Variants in NRCAM observed in about 807,000 individuals in gnomAD.
NRCAM encodes neuronal cell adhesion molecule.
Under a neutral mutation model 156.5 loss-of-function variants are expected in NRCAM, and 83 were observed. The ratio of observed to expected loss-of-function variants is 0.53; its 90% CI spans 0.44 to 0.64. The LOEUF (loss-of-function observed/expected upper bound fraction) is 0.64. NRCAM is among the 30% of genes least tolerant of loss of function. The pLI is 0.00. For missense variants in NRCAM, 1,417 were observed against 1,597.3 expected (o/e 0.89, Z 1.92); for synonymous variants, 538 against 563.9 (o/e 0.95, Z 0.65).
At chr7:108,246,444 T>C (rs1377394368) in intron 3 of NRCAM, among the ~76,000 whole-genome samples, 1 of 151,520 alleles carries the variant, frequency 6.6e-6, no homozygotes, top group East Asian at 1.9e-4. Context: ...AGAGAGAGAG[T>C]GAGTCAGCGG....
At chr7:108,151,670 T>C (rs140647131) in intron 32 of NRCAM, among the ~76,000 whole-genome samples, 36 of 152,320 alleles carry the variant, frequency 2.4e-4, no homozygotes, top group Non-Finnish European at 4.1e-4. Flanking sequence ...AGAGGTATCA[T>C]CTTGGGGTGG....
chr7:108,338,945 G>A (rs2154265370), intron 2 of NRCAM, among the ~76,000 whole-genome samples: 1 of 152,284 alleles, frequency 6.6e-6, no homozygotes, highest in East Asian at 1.9e-4. Flanking sequence ...AGTGGCAACT[G>A]CTTTGCTAAC....
chr7:108,312,983 G>A (rs761064286), intron 2 of NRCAM, among the ~76,000 whole-genome samples: 18 of 152,176 alleles, frequency 1.2e-4, no homozygotes, highest in East Asian at 7.7e-4. Flanking sequence ...AGAGAATCAC[G>A]TCTGATTCCT....
chr7:108,431,969 C>T (rs1351698145), intron 1 of NRCAM, among the ~76,000 whole-genome samples: 1 of 152,144 alleles, frequency 6.6e-6, no homozygotes, highest in African/African-American at 2.4e-5. Flanking sequence ...CACTTCTTTG[C>T]CCAACCTGTC....
chr7:108,283,682 A>C (rs1409230765), intron 3 of NRCAM, among the ~76,000 whole-genome samples: 1 of 152,182 alleles, frequency 6.6e-6, no homozygotes. Flanking sequence ...GCTTTTCTGC[A>C]GTGTGTGGCA....
At chr7:108,201,427 G>A (rs2078065938) in intron 13 of NRCAM, among the ~76,000 whole-genome samples, 1 of 152,170 alleles carries the variant, frequency 6.6e-6, no homozygotes, top group South Asian at 2.1e-4. Context: ...TTCCTTAAAT[G>A]TATTGAGTTT....
At chr7:108,259,525 T>C (rs975062490) in intron 3 of NRCAM, among the ~76,000 whole-genome samples, 2 of 152,216 alleles carry the variant, frequency 1.3e-5, no homozygotes, top group African/African-American at 4.8e-5. Flanking sequence ...ATCATTCTAT[T>C]ATAAAGATAC....
chr7:108,422,629 A>G (rs1470356312), intron 1 of NRCAM, among the ~76,000 whole-genome samples: 1 of 152,202 alleles, frequency 6.6e-6, no homozygotes, highest in Non-Finnish European at 1.5e-5. Context: ...TTTCTCAATC[A>G]AAAAGAAAAG....
chr7:108,414,475 T>C (rs1051985721), intron 1 of NRCAM, among the ~76,000 whole-genome samples: 2 of 152,126 alleles, frequency 1.3e-5, no homozygotes, highest in Non-Finnish European at 2.9e-5. Context: ...CTCTCCACTC[T>C]ACATTAGACT....
chr7:108,210,665 C>T (rs1399060205), intron 11 of NRCAM, among the ~76,000 whole-genome samples: 1 of 152,170 alleles, frequency 6.6e-6, no homozygotes, highest in Non-Finnish European at 1.5e-5. Flanking sequence ...CTTTTTGAGG[C>T]TTAGTTTCCT....
At chr7:108,151,074 C>G (rs1428524979) in intron 32 of NRCAM, among the ~76,000 whole-genome samples, 2 of 152,104 alleles carry the variant, frequency 1.3e-5, no homozygotes, top group Admixed American at 1.3e-4. Flanking sequence ...TCCATTATTA[C>G]AATTTTTGCT....
chr7:108,159,641 T>C, intron 31 of NRCAM, 100 bp from the exon 32 acceptor site: 1 of 836,674 alleles, frequency 1.2e-6, no homozygotes, highest in East Asian at 2.5e-5. Flanking sequence ...TGAAAAATAA[T>C]TCCATACACA....
intron 2 of NRCAM, among the ~76,000 whole-genome samples, chr7:108,396,440 C>T (rs539958127): frequency 6.6e-6 from 1 of 152,152 alleles, no homozygotes; most frequent in Non-Finnish European, 1.5e-5. Flanking sequence ...ACTAATGCAG[C>T]GTTTCCATAA....
At chr7:108,351,346 G>A (rs1179291783) in intron 2 of NRCAM, among the ~76,000 whole-genome samples, 9 of 152,112 alleles carry the variant, frequency 5.9e-5, no homozygotes, top group South Asian at 2.1e-4. Context: ...TTCTATTATA[G>A]CAACACAAAA....
At chr7:108,446,705 T>G (rs141094719) in intron 1 of NRCAM, among the ~76,000 whole-genome samples, 21 of 151,562 alleles carry the variant, frequency 1.4e-4, no homozygotes, top group African/African-American at 4.8e-4. Context: ...TACAATCGTA[T>G]GTTCTCTCTG....
Position 108,234,308 on chromosome 7 carries a change from T to C in NRCAM, c.230+275A>G, listed in dbSNP as rs149923278. 7.9e-5 allele frequency among the ~76,000 whole-genome samples: 12 copies of C among 152,262 alleles called. No individual in the cohort carries two copies. In the East Asian group the frequency reaches 2.3e-3, roughly 29 times the overall value. Reference sequence around the variant, plus strand: ...TTCAAGAAGAAAAAATGGGCTCTAATTAAGCAGAGAGACAAAACAATACAC... The same window carrying C: ...TTCAAGAAGAAAAAATGGGCTCTAACTAAGCAGAGAGACAAAACAATACAC... On this transcript the variant is annotated intron_variant, in intron 6 of 32. Coordinates refer to ENST00000379028, the MANE Select transcript of NRCAM (RefSeq NM_001037132.4).
chr7:108,222,906 G>C (rs1419827955), intron 11 of NRCAM, among the ~76,000 whole-genome samples: 1 of 152,160 alleles, frequency 6.6e-6, no homozygotes, highest in Non-Finnish European at 1.5e-5. Flanking sequence ...CATCACAGTT[G>C]CTTTTGTATT....
chr7:108,211,481 TG>T (rs2084380916), intron 11 of NRCAM, among the ~76,000 whole-genome samples: 1 of 152,176 alleles, frequency 6.6e-6, no homozygotes, highest in Non-Finnish European at 1.5e-5. Flanking sequence ...GTGGATAGTC[TG>T]GGGCAAGTTC....
chr7:108,190,612 C>G (rs1377166522), intron 19 of NRCAM, among the ~76,000 whole-genome samples: 1 of 151,986 alleles, frequency 6.6e-6, no homozygotes, highest in Non-Finnish European at 1.5e-5. Flanking sequence ...TATTGACGTA[C>G]TGAATAAAGA....
Sources: allele counts gnomAD v4.1 joint callset (sites outside exome capture counted in the v4.1 genomes callset), GRCh38; gene constraint gnomAD v4.1.1; transcripts MANE v1.5; gene names NCBI Gene and HGNC (gene_info 2026-07-23, HGNC 2026-07-21).